Variants in RNF220 observed in about 807,000 individuals in gnomAD.
The protein encoded by RNF220 is E3 ubiquitin-protein ligase RNF220.
A neutral mutation model predicts 67.1 loss-of-function variants in RNF220; 7 were observed. The observed-to-expected ratio is 0.10, with a 90% CI of 0.06 to 0.20. The LOEUF is 0.20. RNF220 is among the 10% of genes least tolerant of loss of function. The probability of loss-of-function intolerance (pLI) is 1.00; values close to 1 mark genes in which losing one functional copy is unlikely to be tolerated. For synonymous variants in RNF220, 270 were observed against 283.2 expected, an observed-to-expected ratio of 0.95 and a Z score of 0.47; for missense variants, 565 against 740.3, an observed-to-expected ratio of 0.76 and a Z score of 2.75.
chr1:44,648,738 C>T (rs1045084042), intron 12 of RNF220: 7 of 152,322 alleles, frequency 4.6e-5, no homozygotes, highest in Admixed American at 1.3e-4. Context: ...CATCTGTCCC[C>T]CTCTCCCTGG....
Position 44,544,230 on chromosome 1 carries a change from C to T in RNF220, c.626-69935C>T, listed in dbSNP as rs552846364. Among the ~76,000 whole-genome samples, 25 of 152,270 alleles carry T rather than the reference C, an allele frequency of 1.6e-4. No individual in the cohort carries two copies. The South Asian group carries it at 1.7e-3, about 10-fold the overall frequency. On this transcript the variant is annotated intron_variant, in intron 2 of 14. Coordinates refer to ENST00000361799, the MANE Select transcript of RNF220 (RefSeq NM_018150.4). ...AGACAGGAAAATGCTTGATCTCTGC[C>T]GGGGCCCCAGAACCATCTGAGCCAA...
chr1:44,520,866 A>G (rs748026751), intron 2 of RNF220, among the ~76,000 whole-genome samples: 1 of 152,198 alleles, frequency 6.6e-6, no homozygotes, highest in Non-Finnish European at 1.5e-5. Context: ...AGGAATGCTA[A>G]TAAACTGGGA....
intron 2 of RNF220, among the ~76,000 whole-genome samples, chr1:44,523,032 G>A (rs1225457029): frequency 1.3e-5 from 2 of 152,214 alleles, no homozygotes; most frequent in East Asian, 1.9e-4. Flanking sequence ...CGAGAGATGG[G>A]GAAGAACATA....
intron 2 of RNF220, among the ~76,000 whole-genome samples, chr1:44,474,075 A>T (rs142331548): frequency 1.5e-4 from 23 of 152,172 alleles, no homozygotes; most frequent in South Asian, 8.3e-4. Flanking sequence ...GAAAAAAAAT[A>T]AAAAAATAAT....
At chr1:44,416,646 G>A (rs957774774) in intron 2 of RNF220, among the ~76,000 whole-genome samples, 2 of 152,230 alleles carry the variant, frequency 1.3e-5, no homozygotes, top group Non-Finnish European at 2.9e-5. Flanking sequence ...AGAACTGCCC[G>A]CGTGGAGCGG....
At chr1:44,468,218 C>T (rs1329091850) in intron 2 of RNF220, among the ~76,000 whole-genome samples, 1 of 149,438 alleles carries the variant, frequency 6.7e-6, no homozygotes, top group Non-Finnish European at 1.5e-5. Context: ...CTACAAAGTG[C>T]AATAAAACAA....
chr1:44,647,721 C>T (rs536219259), intron 12 of RNF220, among the ~76,000 whole-genome samples: 1 of 152,272 alleles, frequency 6.6e-6, no homozygotes, highest in East Asian at 1.9e-4. Flanking sequence ...CCCTGCACTC[C>T]CATTACCACT....
chr1:44,552,563 C>CATT (rs1662729307), intron 2 of RNF220, among the ~76,000 whole-genome samples: 1 of 71,362 alleles, frequency 1.4e-5, no homozygotes, highest in Non-Finnish European at 2.6e-5. Context: ...TTCTAAACTT[C>CATT]TTCTTTTTTT....
At chr1:44,612,190 C>A (rs1643339712) in intron 2 of RNF220, among the ~76,000 whole-genome samples, 1 of 152,254 alleles carries the variant, frequency 6.6e-6, no homozygotes, top group Admixed American at 6.5e-5. Flanking sequence ...TGTCCCAGCC[C>A]TCCAAAGGTT....
At chr1:44,462,872 C>T (rs1258204859) in intron 2 of RNF220, among the ~76,000 whole-genome samples, 4 of 151,422 alleles carry the variant, frequency 2.6e-5, no homozygotes, top group African/African-American at 2.4e-5. Flanking sequence ...ACTAAAAATA[C>T]AAAAATTAGC....
intron 2 of RNF220, among the ~76,000 whole-genome samples, chr1:44,533,482 G>A (rs1343857022): frequency 7.9e-5 from 12 of 152,114 alleles, no homozygotes; most frequent in Non-Finnish European, 1.3e-4. Flanking sequence ...GTGAGACCCC[G>A]TCTCAGAAAA....
At chr1:44,409,716 A>AT (rs1285987549) in intron 1 of RNF220, among the ~76,000 whole-genome samples, 2 of 152,122 alleles carry the variant, frequency 1.3e-5, no homozygotes, top group Non-Finnish European at 2.9e-5. Flanking sequence ...TACAATCCAT[A>AT]TTTTTTTAAT....
intron 2 of RNF220, among the ~76,000 whole-genome samples, chr1:44,607,154 C>T (rs1667324992): frequency 6.6e-6 from 1 of 152,244 alleles, no homozygotes; most frequent in South Asian, 2.1e-4. Flanking sequence ...GCCATCGTCT[C>T]TCCCCTGAGT....
intron 2 of RNF220, among the ~76,000 whole-genome samples, chr1:44,436,003 T>A (rs1650929749): frequency 6.6e-6 from 1 of 152,148 alleles, no homozygotes; most frequent in African/African-American, 2.4e-5. Flanking sequence ...TCAGCTCAGT[T>A]CTTCCCTCTG....
At chr1:44,482,852 C>T (rs1655945354) in intron 2 of RNF220, among the ~76,000 whole-genome samples, 1 of 151,162 alleles carries the variant, frequency 6.6e-6, no homozygotes, top group South Asian at 2.1e-4. Flanking sequence ...AACTCCTGAC[C>T]TCAAGTGATC....
chr1:44,568,675 T>A (rs1253549484), intron 2 of RNF220, among the ~76,000 whole-genome samples: 1 of 152,168 alleles, frequency 6.6e-6, no homozygotes. Context: ...TCAGCGGGGA[T>A]GGAGTTGCGA....
In RNF220 at chr1:44,650,916, A is replaced by G; in HGVS notation, c.*141A>G. 2 of 703,504 alleles carry G rather than the reference A, an allele frequency of 2.8e-6. No individual in the cohort carries two copies. Among genetic ancestry groups the G allele is most frequent in the South Asian group, 3.2e-5 (2 of 62,014 alleles). 43.6% of individuals were successfully genotyped at this position (703,504 alleles called of 1,614,324 possible). Reference sequence around the variant, plus strand: ...CACATACTCAAACATGCGTACACACACACACATTTACACACGCAGGACTCT... The same window carrying G: ...CACATACTCAAACATGCGTACACACGCACACATTTACACACGCAGGACTCT... On this transcript the variant is annotated 3_prime_UTR_variant, in exon 15 of 15. Transcript: ENST00000361799. The surrounding 1 kb of genome is among the most constrained non-coding windows in gnomAD (Gnocchi z 4.3).
At chr1:44,411,358 T>A (rs896871141) in intron 1 of RNF220, among the ~76,000 whole-genome samples, 4 of 152,238 alleles carry the variant, frequency 2.6e-5, no homozygotes, top group Admixed American at 2.6e-4. Flanking sequence ...ATAGCACTTT[T>A]TTCTGGAAAC....
intron 2 of RNF220, among the ~76,000 whole-genome samples, chr1:44,517,858 G>A (rs929139699): frequency 2.0e-5 from 3 of 152,246 alleles, no homozygotes; most frequent in Non-Finnish European, 4.4e-5. Flanking sequence ...TGTAATCCCA[G>A]CACTTTGGGA....
Sources: allele counts gnomAD v4.1 joint callset (sites outside exome capture counted in the v4.1 genomes callset), GRCh38; gene constraint gnomAD v4.1.1; non-coding constraint Gnocchi (gnomAD v3.1); transcripts MANE v1.5; gene names NCBI Gene and HGNC (gene_info 2026-07-23, HGNC 2026-07-21).